Variants in KIF9 observed in about 807,000 individuals in gnomAD.
KIF9 encodes kinesin-like protein KIF9.
A neutral mutation model predicts 94.8 loss-of-function variants in KIF9; 68 were observed. That is an observed-to-expected ratio of 0.72 (90% confidence interval 0.59 to 0.88). The LOEUF (loss-of-function observed/expected upper bound fraction) is 0.88. Among genes scored for constraint, KIF9 ranks in the 40% least tolerant of loss-of-function variants. KIF9 has a pLI of 0.00. For missense variants in KIF9, 882 were observed against 982.5 expected (o/e 0.90, Z 1.37); for synonymous variants, 343 against 362.1 (o/e 0.95, Z 0.60).
intron 20 of KIF9, 38 bp downstream of exon 20, chr3:47,235,475 G>T: frequency 7.1e-7 from 1 of 1,401,550 alleles, no homozygotes; most frequent in Non-Finnish European, 1.0e-6. Context: ...TAGTCACTGA[G>T]GCCCCCATCC....
chr3:47,237,170 C>T (rs1382805478), intron 17 of KIF9, among the ~76,000 whole-genome samples: 5 of 152,234 alleles, frequency 3.3e-5, no homozygotes, highest in Non-Finnish European at 7.3e-5. Context: ...TCTCGGCTCA[C>T]TGCAACTCTG....
chr3:47,270,406 A>C (rs1701571351), intron 5 of KIF9, among the ~76,000 whole-genome samples: 1 of 151,296 alleles, frequency 6.6e-6, no homozygotes, highest in Non-Finnish European at 1.5e-5. Flanking sequence ...GGCACCCGCC[A>C]CCACACCCAG....
chr3:47,245,447 A>T lies in KIF9; in HGVS notation c.1354T>A (p.Phe452Ile), dbSNP rs763333842. The T allele has an allele frequency of 1.9e-6, 3 of 1,614,068 alleles. No individual in the cohort carries two copies. The highest frequency in any genetic ancestry group is 2.5e-6 in the Non-Finnish European group (3 of 1,179,972). ...TTCTGGATAGCAGAAATGGCTGCAAAGTCATTCCTGTCAATGAGGGTGTAC... is the reference window on the plus strand; with the variant it reads ...TTCTGGATAGCAGAAATGGCTGCAATGTCATTCCTGTCAATGAGGGTGTAC... ...RKYTLIDRNDFAAISAIQKAG... is the reference protein window; with the variant it reads ...RKYTLIDRNDIAAISAIQKAG... The change falls in exon 14 of 21, where the codon TTT becomes ATT. Residue 452 changes from phenylalanine (F) to isoleucine (I), a missense_variant. By Grantham distance (21) the Phe-to-Ile change is conservative. Coordinates refer to ENST00000684063, the MANE Select transcript of KIF9 (RefSeq NM_182902.4).
At chr3:47,241,107 G>A in intron 16 of KIF9, 92 bp from the exon 17 acceptor site, 1 of 1,138,496 alleles carries the variant, frequency 8.8e-7, no homozygotes, top group Non-Finnish European at 1.3e-6. Flanking sequence ...GGACTTCTGT[G>A]GCCAGGAGGC....
At chr3:47,273,463 C>CT (rs1701770150) in intron 4 of KIF9, 89 bp downstream of exon 4, 6 of 981,964 alleles carry the variant, frequency 6.1e-6, no homozygotes, top group Non-Finnish European at 9.2e-6. Flanking sequence ...CTGGTCCCCA[C>CT]TGTCTCTAGT....
intron 5 of KIF9, among the ~76,000 whole-genome samples, chr3:47,270,923 G>A (rs1701604944): frequency 6.9e-6 from 1 of 145,220 alleles, no homozygotes; most frequent in African/African-American, 2.5e-5. Context: ...AAGATCGCTT[G>A]AGCCCAAGAG....
chr3:47,235,115 A>G (rs924637465), intron 20 of KIF9, among the ~76,000 whole-genome samples: 1 of 152,114 alleles, frequency 6.6e-6, no homozygotes, highest in African/African-American at 2.4e-5. Context: ...CTCGAGGAGG[A>G]GAGTACCCCA....
chr3:47,251,963 G>A lies in KIF9; in HGVS notation c.1060-3877C>T, dbSNP rs1187310883. Among the ~76,000 whole-genome samples, 4 of 152,136 alleles carry A rather than the reference G, an allele frequency of 2.6e-5. No homozygotes were observed. The East Asian group carries it at 7.7e-4, about 29-fold the overall frequency. On this transcript the variant is annotated intron_variant, in intron 10 of 20. Coordinates refer to ENST00000684063, the MANE Select transcript of KIF9 (RefSeq NM_182902.4). ...GAGGTTGAGAGGGTCTGAGCAACTC[G>A]CCACAGAGAGCTTGTGGAAGAGGTG...
intron 20 of KIF9, among the ~76,000 whole-genome samples, chr3:47,229,430 C>G (rs1698388761): frequency 6.6e-6 from 1 of 152,176 alleles, no homozygotes; most frequent in African/African-American, 2.4e-5. Context: ...TCAATACACA[C>G]ACAAACACAC....
At chr3:47,236,319 G>T in intron 18 of KIF9, 124 bp downstream of exon 18, 1 of 1,154,000 alleles carries the variant, frequency 8.7e-7, no homozygotes, top group Non-Finnish European at 1.2e-6. Flanking sequence ...CACATCTCAA[G>T]CCCCTGCCCA....
At chr3:47,277,819 C>T (rs1702072601) in intron 1 of KIF9, among the ~76,000 whole-genome samples, 2 of 152,122 alleles carry the variant, frequency 1.3e-5, no homozygotes, top group South Asian at 4.1e-4. Context: ...GCTTCAGATA[C>T]AGCATCCTCT....
At chr3:47,265,631 G>C (rs1559457741) in intron 8 of KIF9, 99 bp downstream of exon 8, 1 of 1,286,776 alleles carries the variant, frequency 7.8e-7, no homozygotes, top group African/African-American at 1.5e-5. Context: ...ATGCCACCAG[G>C]AGGGAGCAAT....
Position 47,267,895 on chromosome 3 carries a change from A to G in KIF9, c.592-632T>C, listed in dbSNP as rs1300555748. 1.2e-4 allele frequency among the ~76,000 whole-genome samples: 15 copies of G among 127,378 alleles called. No homozygotes were observed. In the East Asian group the frequency reaches 2.0e-3, roughly 17 times the overall value. The allele number at this position is 127,378 out of a possible 152,430, so 83.6% of individuals were successfully genotyped here. On this transcript the variant is annotated intron_variant, in intron 5 of 20. Transcript: ENST00000684063. ...TCCTTTTTTTTTTTTTTTTTGGGAGAGCATCTCAGTCTGTCACCCATACTA... is the reference window on the plus strand; with the variant it reads ...TCCTTTTTTTTTTTTTTTTTGGGAGGGCATCTCAGTCTGTCACCCATACTA...
At chr3:47,265,583 GT>G in intron 8 of KIF9, 146 bp downstream of exon 8, 1 of 766,762 alleles carries the variant, frequency 1.3e-6, no homozygotes, top group East Asian at 2.7e-5. Flanking sequence ...GCCTTTCCAG[GT>G]GTCTGAAGTC....
rs758148184 is a variant in KIF9, at chr3:47,257,464, T to C, written c.1059+19A>G. The C allele has an allele frequency of 1.9e-6, 3 of 1,610,490 alleles. No homozygotes were observed. The highest frequency in any genetic ancestry group is 2.7e-5 in the African/African-American group (2 of 74,970). ...CACTTTCCCCACAGTGGGACACCTG[T>C]CCACAACCCCTGCTGTACCTCAGCA... On this transcript the variant is annotated intron_variant, in intron 10 of 20. Coordinates refer to ENST00000684063, the MANE Select transcript of KIF9 (RefSeq NM_182902.4).
At chr3:47,243,890 G>A (rs1699748324) in intron 15 of KIF9, 1 of 152,254 alleles carries the variant, frequency 6.6e-6, no homozygotes, top group African/African-American at 2.4e-5. Context: ...AACGAGTATG[G>A]CTCAGGGAAC....
At chr3:47,280,187 G>A (rs1177310179) in intron 1 of KIF9, among the ~76,000 whole-genome samples, 1 of 152,082 alleles carries the variant, frequency 6.6e-6, no homozygotes, top group Non-Finnish European at 1.5e-5. Flanking sequence ...CAAACTCCTG[G>A]GTTCAAGCAA....
intron 3 of KIF9, 166 bp downstream of exon 3, chr3:47,275,159 G>A: frequency 5.0e-6 from 3 of 605,128 alleles, no homozygotes; most frequent in Non-Finnish European, 8.5e-6. Context: ...ATCAAGCCAT[G>A]CCCACAATGT....
chr3:47,260,483 G>A (rs141438750), intron 9 of KIF9, among the ~76,000 whole-genome samples: 117 of 152,300 alleles, frequency 7.7e-4, no homozygotes, highest in African/African-American at 2.2e-3. Context: ...CAGGTGTGTA[G>A]GGGCAACCCA....
Sources: allele counts gnomAD v4.1 joint callset (sites outside exome capture counted in the v4.1 genomes callset), GRCh38; gene constraint gnomAD v4.1.1; transcripts MANE v1.5; gene names NCBI Gene and HGNC (gene_info 2026-07-23, HGNC 2026-07-21).